Variants in SND1 observed in about 807,000 individuals in gnomAD.
SND1 encodes the protein staphylococcal nuclease and tudor domain containing 1.
In SND1, 38 loss-of-function variants were observed where a neutral mutation model predicts 121.7. The ratio of observed to expected loss-of-function variants is 0.31; its 90% CI spans 0.24 to 0.41. The LOEUF is 0.41. Ranked by LOEUF, SND1 falls within the 10% of genes least tolerant of loss-of-function variation. SND1 has a pLI of 1.00. For missense variants in SND1, 868 were observed against 1,184.6 expected, an observed-to-expected ratio of 0.73 and a Z score of 3.92; for synonymous variants, 401 against 447.4, an observed-to-expected ratio of 0.90 and a Z score of 1.31.
intron 12 of SND1, among the ~76,000 whole-genome samples, chr7:127,865,421 CT>C (rs1799450733): frequency 1.3e-5 from 2 of 152,162 alleles, no homozygotes; most frequent in Admixed American, 1.3e-4. Flanking sequence ...GTTTGTCTGT[CT>C]TTGGAAATGA....
At chr7:128,071,440 T>A (rs1793407785) in intron 16 of SND1, among the ~76,000 whole-genome samples, 1 of 152,246 alleles carries the variant, frequency 6.6e-6, no homozygotes, top group Non-Finnish European at 1.5e-5. Context: ...TCTCTGTGTC[T>A]ATCTTTTAAT....
intron 16 of SND1, among the ~76,000 whole-genome samples, chr7:128,007,212 A>G (rs892552594): frequency 6.6e-6 from 1 of 152,118 alleles, no homozygotes; most frequent in African/African-American, 2.4e-5. Flanking sequence ...CATCTTCCTC[A>G]GCTTTGTCAG....
intron 16 of SND1, among the ~76,000 whole-genome samples, chr7:128,038,500 G>A (rs1030616571): frequency 3.0e-4 from 46 of 152,342 alleles, no homozygotes; most frequent in African/African-American, 8.7e-4. Context: ...AGTAATGGTC[G>A]TAGCATCTAT....
intron 11 of SND1, among the ~76,000 whole-genome samples, chr7:127,821,649 A>T (rs1227921086): frequency 1.3e-5 from 2 of 152,166 alleles, no homozygotes; most frequent in Non-Finnish European, 2.9e-5. Flanking sequence ...ATAATTTTTA[A>T]AAAATTTTTG....
At chr7:127,843,316 G>A (rs2116645995) in intron 11 of SND1, among the ~76,000 whole-genome samples, 1 of 152,142 alleles carries the variant, frequency 6.6e-6, no homozygotes, top group South Asian at 2.1e-4. Context: ...ATGTATAGTG[G>A]CATGTATTCA....
intron 1 of SND1, among the ~76,000 whole-genome samples, chr7:127,659,864 A>G (rs1795277650): frequency 6.6e-6 from 1 of 152,210 alleles, no homozygotes; most frequent in Non-Finnish European, 1.5e-5. Context: ...AGCATTTTCC[A>G]GTCCCATAAG....
At chr7:127,728,116 G>A (rs1004688163) in intron 10 of SND1, among the ~76,000 whole-genome samples, 1 of 152,154 alleles carries the variant, frequency 6.6e-6, no homozygotes, top group African/African-American at 2.4e-5. Context: ...GACAGCATGT[G>A]CCTGTCTTGT....
At chr7:128,059,007 T>A (rs778770371) in intron 16 of SND1, among the ~76,000 whole-genome samples, 1 of 152,158 alleles carries the variant, frequency 6.6e-6, no homozygotes, top group Non-Finnish European at 1.5e-5. Context: ...CATCCCGTGT[T>A]TCTCTAATGT....
At chr7:128,030,273 G>C in intron 16 of SND1, 1 of 1,614,150 alleles carries the variant, frequency 6.2e-7, no homozygotes, top group Non-Finnish European at 8.5e-7. Flanking sequence ...GTTGAGGCTG[G>C]CCAGGCCGTT....
intron 15 of SND1, among the ~76,000 whole-genome samples, chr7:127,959,077 C>T (rs547086681): frequency 6.6e-6 from 1 of 152,240 alleles, no homozygotes; most frequent in South Asian, 2.1e-4. Context: ...AATTTAACAC[C>T]ATCCTAGAGT....
intron 12 of SND1, among the ~76,000 whole-genome samples, chr7:127,854,739 A>G (rs150586565): frequency 0.019 from 2,830 of 151,990 alleles, 63 homozygotes; most frequent in African/African-American, 0.047. Flanking sequence ...GGTCTTTTCT[A>G]TGCCATTTCT....
intron 11 of SND1, among the ~76,000 whole-genome samples, chr7:127,822,189 G>A (rs946894306): frequency 3.9e-5 from 6 of 152,138 alleles, no homozygotes; most frequent in Non-Finnish European, 8.8e-5. Context: ...TCCTTTCAGG[G>A]TTATTTTAGG....
At chr7:127,691,152 C>T (rs1795906504) in intron 2 of SND1, among the ~76,000 whole-genome samples, 1 of 152,038 alleles carries the variant, frequency 6.6e-6, no homozygotes, top group African/African-American at 2.4e-5. Flanking sequence ...AAATGAGTGT[C>T]ACAACCACTA....
intron 11 of SND1, among the ~76,000 whole-genome samples, chr7:127,838,080 A>C (rs1006215823): frequency 6.6e-6 from 1 of 152,128 alleles, no homozygotes; most frequent in Non-Finnish European, 1.5e-5. Context: ...TACGAGCCTG[A>C]GTGGCGGAAT....
At position 128,092,006 on chromosome 7, in the gene SND1, G is replaced by A. The variant is rs1049872336; in HGVS notation, c.2681G>A (p.Arg894His). ...TTTTTCTTACAGCTGAACCTGTGGC[G>A]CTATGGAGACTTTCGAGCTGATGAT... ...SAKSARLNLW[R>H]YGDFRADDAD... The change falls in exon 24 of 24, where the codon CGC (arginine) becomes CAC (histidine). Residue 894 changes from arginine (R) to histidine (H), a missense_variant. Coordinates refer to ENST00000354725, the MANE Select transcript of SND1 (RefSeq NM_014390.4). The surrounding 1 kb of genome is among the most constrained non-coding windows in gnomAD (Gnocchi z 4.9). 8 of 1,614,050 alleles carry A rather than the reference G, an allele frequency of 5.0e-6. No homozygotes were observed. The highest frequency in any genetic ancestry group is 2.2e-5 in the East Asian group (1 of 44,900).
intron 16 of SND1, among the ~76,000 whole-genome samples, chr7:128,063,731 T>A (rs1793268855): frequency 6.6e-6 from 1 of 152,160 alleles, no homozygotes; most frequent in Non-Finnish European, 1.5e-5. Context: ...AATGGAGTGG[T>A]TCAAATAAAA....
intron 1 of SND1, among the ~76,000 whole-genome samples, chr7:127,672,152 A>T (rs1392858200): frequency 6.6e-6 from 1 of 152,034 alleles, no homozygotes; most frequent in Admixed American, 6.5e-5. Flanking sequence ...AACAGTGAGG[A>T]TCTTCCGTAT....
At chr7:127,706,309 T>G (rs1796198140) in intron 8 of SND1, among the ~76,000 whole-genome samples, 1 of 125,618 alleles carries the variant, frequency 8.0e-6, no homozygotes, top group Non-Finnish European at 1.6e-5. Flanking sequence ...CAGGCTGGAG[T>G]GCAGTGGCAC....
chr7:127,984,235 A>G (rs1483694658), intron 15 of SND1, among the ~76,000 whole-genome samples: 2 of 152,204 alleles, frequency 1.3e-5, no homozygotes, highest in Non-Finnish European at 2.9e-5. Context: ...CATTTCTGCT[A>G]TGCTCCAGCC....
Sources: allele counts gnomAD v4.1 joint callset (sites outside exome capture counted in the v4.1 genomes callset), GRCh38; gene constraint gnomAD v4.1.1; non-coding constraint Gnocchi (gnomAD v3.1); transcripts MANE v1.5; gene names NCBI Gene and HGNC (gene_info 2026-07-23, HGNC 2026-07-21).